The following CDH13 variants were observed in gnomAD, a reference collection of about 807,000 sequenced individuals.
CDH13 encodes the protein cadherin 13.
Under a neutral mutation model 63.8 loss-of-function variants are expected in CDH13, and 24 were observed. That is an observed-to-expected ratio of 0.38 (90% CI 0.27 to 0.53). The LOEUF (loss-of-function observed/expected upper bound fraction) is 0.53, where lower values mean the gene tolerates loss of function less well. CDH13 is among the 20% of genes least tolerant of loss of function. The pLI, the probability that CDH13 is intolerant of heterozygous loss-of-function variation, is 0.85. For missense variants in CDH13, 1,049 were observed against 903.1 expected, an observed-to-expected ratio of 1.16 and a Z score of -2.07; for synonymous variants, 503 against 355.3, an observed-to-expected ratio of 1.42 and a Z score of -4.67.
At chr16:83,449,508 C>G (rs2072820436) in intron 6 of CDH13, among the ~76,000 whole-genome samples, 1 of 152,166 alleles carries the variant, frequency 6.6e-6, no homozygotes, top group Admixed American at 6.6e-5. Context: ...CTCGGTGAAT[C>G]AAAGCAAATT....
intron 3 of CDH13, among the ~76,000 whole-genome samples, chr16:83,080,871 G>GGTTTTTTTT (rs2033183201): frequency 1.7e-4 from 8 of 46,956 alleles, no homozygotes; most frequent in South Asian, 1.3e-3. Flanking sequence ...TTGTTTTTGT[G>GGTTTTTTTT]TTTTTTTTTT....
rs558393653 is a variant in CDH13 at position 82,970,382 on chromosome 16, CTTTTTTTTTTTTTTT to C, written c.158-61614_158-61600del. 7.8e-5 allele frequency among the ~76,000 whole-genome samples: 6 copies of C among 76,750 alleles called. No homozygotes were observed. The East Asian group carries it at 1.4e-3, about 18-fold the overall frequency. The allele number at this position is 76,750 out of a possible 152,430, so 50.4% of individuals were successfully genotyped here. A position where few individuals can be genotyped will look rare whatever the true frequency, so the allele number is the denominator to read the frequency against. The stretch of plus-strand genomic sequence containing the variant: ...TTTGCTATTGTGAACAGTGCATATT[CTTTTTTTTTTTTTTT>C]TTTTTTTTTTTTTGAGACGGAGTCT... On this transcript the variant is annotated intron_variant, in intron 2 of 13. Transcript: ENST00000567109.
intron 8 of CDH13, among the ~76,000 whole-genome samples, chr16:83,645,096 C>G (rs1210388254): frequency 1.3e-5 from 2 of 152,194 alleles, no homozygotes; most frequent in African/African-American, 4.8e-5. Flanking sequence ...GGCTACTCCT[C>G]ATATGTTCAC....
At chr16:83,522,331 C>T (rs763432777) in intron 7 of CDH13, among the ~76,000 whole-genome samples, 5 of 152,136 alleles carry the variant, frequency 3.3e-5, no homozygotes, top group Admixed American at 6.5e-5. Context: ...GGAGTGTATA[C>T]GTCCATCTTA....
At chr16:82,893,590 T>G (rs991058377) in intron 2 of CDH13, among the ~76,000 whole-genome samples, 1 of 152,218 alleles carries the variant, frequency 6.6e-6, no homozygotes, top group Non-Finnish European at 1.5e-5. Flanking sequence ...AAAGTGAACC[T>G]CTTTAGTTTA....
chr16:83,721,611 A>G (rs1185196250), intron 10 of CDH13: 2 of 152,162 alleles, frequency 1.3e-5, no homozygotes, highest in African/African-American at 2.4e-5. Flanking sequence ...TATGTACACC[A>G]CTTGGTCCTA....
At chr16:83,324,224 A>T (rs2090307989) in intron 5 of CDH13, among the ~76,000 whole-genome samples, 1 of 152,100 alleles carries the variant, frequency 6.6e-6, no homozygotes, top group Non-Finnish European at 1.5e-5. Context: ...TTCAATAGAG[A>T]CAGGGTTTCA....
intron 5 of CDH13, among the ~76,000 whole-genome samples, chr16:83,305,663 G>C (rs1427472845): frequency 1.3e-5 from 2 of 152,166 alleles, no homozygotes; most frequent in East Asian, 1.9e-4. Flanking sequence ...AGCCAGATGG[G>C]AGTTTGTATC....
At chr16:83,412,587 C>T (rs1050297024) in intron 6 of CDH13, among the ~76,000 whole-genome samples, 1 of 152,152 alleles carries the variant, frequency 6.6e-6, no homozygotes, top group Non-Finnish European at 1.5e-5. Flanking sequence ...GGTGGGTCAC[C>T]CATCTTTATT....
chr16:83,121,857 A>G (rs755596999), intron 3 of CDH13, among the ~76,000 whole-genome samples: 2 of 152,086 alleles, frequency 1.3e-5, no homozygotes, highest in Non-Finnish European at 2.9e-5. Flanking sequence ...ATGAATTTAT[A>G]CTCCCACCCA....
At chr16:82,937,507 A>G (rs1004363134) in intron 2 of CDH13, among the ~76,000 whole-genome samples, 2 of 152,186 alleles carry the variant, frequency 1.3e-5, no homozygotes, top group Non-Finnish European at 2.9e-5. Context: ...CAGCATTTGT[A>G]TATTTTCTCA....
intron 6 of CDH13, among the ~76,000 whole-genome samples, chr16:83,413,182 G>A (rs1367315182): frequency 6.6e-6 from 1 of 152,176 alleles, no homozygotes; most frequent in Non-Finnish European, 1.5e-5. Flanking sequence ...CGGTGATGCA[G>A]TGAAGATTGG....
chr16:82,674,021 G>C (rs191384755), intron 1 of CDH13, among the ~76,000 whole-genome samples: 2 of 152,316 alleles, frequency 1.3e-5, no homozygotes, highest in East Asian at 1.9e-4. Flanking sequence ...TCTAGGGCTC[G>C]AAGAAGGGGA....
At chr16:82,636,014 G>A (rs1908612352) in intron 1 of CDH13, among the ~76,000 whole-genome samples, 1 of 152,116 alleles carries the variant, frequency 6.6e-6, no homozygotes, top group Non-Finnish European at 1.5e-5. Flanking sequence ...GCATGCAGAA[G>A]CAAGCCAATT....
chr16:82,659,133 G>C (rs2150921815), intron 1 of CDH13, among the ~76,000 whole-genome samples: 1 of 152,260 alleles, frequency 6.6e-6, no homozygotes, highest in East Asian at 1.9e-4. Flanking sequence ...AGTTGCTGCT[G>C]GTTCCCAATA....
intron 2 of CDH13, among the ~76,000 whole-genome samples, chr16:82,922,775 T>C (rs2042195817): frequency 6.6e-6 from 1 of 152,162 alleles, no homozygotes; most frequent in Non-Finnish European, 1.5e-5. Flanking sequence ...TAAAATCTCT[T>C]TGGTGAGCCA....
intron 3 of CDH13, among the ~76,000 whole-genome samples, chr16:83,108,308 T>C (rs1005268921): frequency 6.6e-6 from 1 of 152,172 alleles, no homozygotes; most frequent in Non-Finnish European, 1.5e-5. Flanking sequence ...CACCTGTAAA[T>C]GTTTGTGTTG....
chr16:83,144,238 C>T lies in CDH13; in HGVS notation c.483+18737C>T, dbSNP rs117970719. Among the ~76,000 whole-genome samples, 487 of 152,214 alleles carry T rather than the reference C, an allele frequency of 3.2e-3. 1 individual carries two copies. The highest frequency in any genetic ancestry group is 5.7e-3 in the Non-Finnish European group (385 of 68,002). On this transcript the variant is annotated intron_variant, in intron 4 of 13. Coordinates refer to ENST00000567109, the MANE Select transcript of CDH13 (RefSeq NM_001257.5). ...CATGAGGAAGTGACACAGGCTTGTA[C>T]TTATTTGGATAGTCAAGGCACCTTT...
chr16:83,204,262 T>G (rs2039117543), intron 4 of CDH13, among the ~76,000 whole-genome samples: 1 of 152,222 alleles, frequency 6.6e-6, no homozygotes, highest in Non-Finnish European at 1.5e-5. Context: ...GGGGATTTGG[T>G]TCCAATCCAA....
Sources: allele counts gnomAD v4.1 joint callset (sites outside exome capture counted in the v4.1 genomes callset), GRCh38; gene constraint gnomAD v4.1.1; transcripts MANE v1.5; gene names NCBI Gene and HGNC (gene_info 2026-07-23, HGNC 2026-07-21).